RPGRIP1L: variants seen among roughly 807,000 people sequenced by gnomAD.
The protein encoded by RPGRIP1L is RPGRIP1 like.
A neutral mutation model predicts 160.4 loss-of-function variants in RPGRIP1L; 131 were observed. The observed-to-expected ratio is 0.82, with a 90% CI of 0.71 to 0.94. RPGRIP1L has a LOEUF of 0.94. RPGRIP1L is among the 40% of genes least tolerant of loss of function. The pLI is 0.00. For synonymous variants in RPGRIP1L, 510 were observed against 515.8 expected, an observed-to-expected ratio of 0.99 and a Z score of 0.15; for missense variants, 1,522 against 1,535.8, an observed-to-expected ratio of 0.99 and a Z score of 0.15.
chr16:53,702,113 C>T (rs964398790), intron 1 of RPGRIP1L, among the ~76,000 whole-genome samples: 8 of 152,082 alleles, frequency 5.3e-5, no homozygotes, highest in Non-Finnish European at 7.4e-5. Context: ...ATTCATTGAA[C>T]GCTTACTATG....
intron 22 of RPGRIP1L, among the ~76,000 whole-genome samples, chr16:53,631,739 G>A (rs747240127): frequency 3.9e-5 from 6 of 152,028 alleles, no homozygotes; most frequent in African/African-American, 1.4e-4. Context: ...CCCCACACTC[G>A]CCATTAATTA....
At chr16:53,622,755 C>T (rs1208475116) in intron 22 of RPGRIP1L, among the ~76,000 whole-genome samples, 1 of 150,942 alleles carries the variant, frequency 6.6e-6, no homozygotes, top group Non-Finnish European at 1.5e-5. Context: ...GCCTGAGCAA[C>T]ATGGTGAAAA....
chr16:53,686,289 G>A, intron 6 of RPGRIP1L, 144 bp downstream of exon 6: 1 of 891,128 alleles, frequency 1.1e-6, no homozygotes, highest in Non-Finnish European at 1.7e-6. Flanking sequence ...GCAGTTAGTA[G>A]GTCGAGCATA....
intron 3 of RPGRIP1L, chr16:53,695,246 G>C: frequency 1.5e-6 from 1 of 675,818 alleles, no homozygotes; most frequent in South Asian, 1.6e-5. Flanking sequence ...ATAATGGTCA[G>C]AAAAGGAATC....
intron 22 of RPGRIP1L, among the ~76,000 whole-genome samples, chr16:53,624,192 T>C (rs1964920269): frequency 6.6e-6 from 1 of 152,202 alleles, no homozygotes; most frequent in Non-Finnish European, 1.5e-5. Flanking sequence ...GTGCCCAGCC[T>C]AGAATATCTT....
chr16:53,635,825 A>T, intron 22 of RPGRIP1L, among the ~76,000 whole-genome samples: 1 of 152,252 alleles, frequency 6.6e-6, no homozygotes, highest in East Asian at 1.9e-4. Flanking sequence ...TCCCTCTTAC[A>T]ATAAAAAATG....
At chr16:53,639,965 G>C (rs1168292781) in intron 19 of RPGRIP1L, among the ~76,000 whole-genome samples, 2 of 152,136 alleles carry the variant, frequency 1.3e-5, no homozygotes, top group African/African-American at 4.8e-5. Flanking sequence ...AATCCATTGA[G>C]CTCTATGCTT....
At chr16:53,635,242 C>T (rs1043423530) in intron 22 of RPGRIP1L, among the ~76,000 whole-genome samples, 14 of 152,262 alleles carry the variant, frequency 9.2e-5, no homozygotes, top group Admixed American at 5.2e-4. Flanking sequence ...ATGCTAGCCA[C>T]GTTGCCAACA....
At position 53,645,837 on chromosome 16, in the gene RPGRIP1L, T is replaced by C; in HGVS notation, c.2471A>G (p.Asp824Gly). 1 of 1,614,122 alleles carries C rather than the reference T, an allele frequency of 6.2e-7. No homozygotes were observed. The highest frequency in any genetic ancestry group is 8.5e-7 in the Non-Finnish European group (1 of 1,179,978). ...ACTGGGAATGATAGCTGTATCATGG[T>C]CTGCAAAATCAAAAAACTTGTACAC... Reference protein sequence around the residue: ...YVVYKFFDFADHDTAIIPSSN... With the variant: ...YVVYKFFDFAGHDTAIIPSSN... Residue 824 changes from aspartate to glycine, a missense_variant, in exon 17 of 27, where the codon GAC becomes GGC. By Grantham distance (94) the Asp-to-Gly change is moderately conservative. Transcript: ENST00000647211.
chr16:53,667,032 T>C (rs1003565194), intron 9 of RPGRIP1L, among the ~76,000 whole-genome samples: 3 of 152,222 alleles, frequency 2.0e-5, no homozygotes, highest in Non-Finnish European at 4.4e-5. Flanking sequence ...GGCTCCATTT[T>C]CTTTGTAAGG....
intron 25 of RPGRIP1L, among the ~76,000 whole-genome samples, chr16:53,610,472 C>T (rs1963958715): frequency 6.6e-6 from 1 of 152,150 alleles, no homozygotes; most frequent in Admixed American, 6.5e-5. Flanking sequence ...GTGTCAGGTA[C>T]TATACTATCT....
chr16:53,630,012 T>A (rs930906232), intron 22 of RPGRIP1L, among the ~76,000 whole-genome samples: 2 of 151,760 alleles, frequency 1.3e-5, no homozygotes, highest in African/African-American at 4.8e-5. Context: ...TATGTGCAAA[T>A]AAAAATATAT....
At position 53,638,347 on chromosome 16, in the gene RPGRIP1L, A is replaced by G. The variant is rs1965970467; in HGVS notation, c.3023T>C (p.Ile1008Thr). 1 of 1,596,832 alleles carries G rather than the reference A, an allele frequency of 6.3e-7. No homozygotes were observed. Among genetic ancestry groups the G allele is most frequent in the South Asian group, 1.1e-5 (1 of 90,644 alleles). Residue 1008 changes from isoleucine (I) to threonine (T), a missense_variant, in exon 20 of 27, where the codon ATA (isoleucine) becomes ACA (threonine). Transcript: ENST00000647211. ...ISPEVEHIPE[I>T]EINMLTVPHV... ...TGGAACAGTCAGCATATTAATTTCT[A>G]TTTCTGGTATATGCTCTACCTCTGG...
intron 17 of RPGRIP1L, among the ~76,000 whole-genome samples, chr16:53,644,850 T>C (rs1027705761): frequency 3.3e-5 from 5 of 152,156 alleles, no homozygotes; most frequent in African/African-American, 1.2e-4. Context: ...TTCTTCAGGC[T>C]GAAGGAAAGA....
At chr16:53,633,932 T>C (rs923251411) in intron 22 of RPGRIP1L, among the ~76,000 whole-genome samples, 10 of 152,208 alleles carry the variant, frequency 6.6e-5, no homozygotes, top group African/African-American at 2.4e-4. Flanking sequence ...GTAAAATCAA[T>C]AGAAAATCCT....
chr16:53,643,129 G>A (rs1966339868), intron 17 of RPGRIP1L, among the ~76,000 whole-genome samples: 1 of 152,090 alleles, frequency 6.6e-6, no homozygotes, highest in Non-Finnish European at 1.5e-5. Context: ...ACATGGTGGT[G>A]AAACCTTGTC....
intron 22 of RPGRIP1L, among the ~76,000 whole-genome samples, chr16:53,631,369 GAT>G (rs1965509979): frequency 6.6e-6 from 1 of 152,182 alleles, no homozygotes; most frequent in African/African-American, 2.4e-5. Flanking sequence ...GAAAGAGAAT[GAT>G]GTAAATATGC....
chr16:53,675,197 A>C, intron 6 of RPGRIP1L, 75 bp from the exon 7 acceptor site: 1 of 904,122 alleles, frequency 1.1e-6, no homozygotes, highest in Admixed American at 1.9e-5. Context: ...TGGTGGAATC[A>C]CAATTTTTCA....
chr16:53,599,113 G>C lies in RPGRIP1L; in HGVS notation c.*2963C>G, dbSNP rs1235202057. 6.6e-6 allele frequency: 1 copy of C among 152,044 alleles called. No individual in the cohort carries two copies. Among genetic ancestry groups the C allele is most frequent in the African/African-American group, 2.4e-5 (1 of 41,390 alleles). The allele number at this position is 152,044 out of a possible 1,614,324, so 9.4% of individuals were successfully genotyped here. On this transcript the variant is annotated 3_prime_UTR_variant, in exon 27 of 27. Transcript: ENST00000647211. ...ACTAAAATAATTTATGTTTTGTTGT[G>C]GGAACATGAGTGCACGCAAAACCTC...
Sources: allele counts gnomAD v4.1 joint callset (sites outside exome capture counted in the v4.1 genomes callset), GRCh38; gene constraint gnomAD v4.1.1; transcripts MANE v1.5; gene names NCBI Gene and HGNC (gene_info 2026-07-23, HGNC 2026-07-21).